Variants in NTSR2 observed in about 807,000 individuals in gnomAD.
NTSR2 encodes the protein neurotensin receptor 2, also known as neurotensin receptor type 2.
A neutral mutation model predicts 24.1 loss-of-function variants in NTSR2; 22 were observed. That is an observed-to-expected ratio of 0.91 (90% CI 0.65 to 1.30). NTSR2 has a LOEUF of 1.30. Ranked by LOEUF, NTSR2 falls within the 50% of genes most tolerant of loss-of-function variation. The pLI is 0.00. For synonymous variants in NTSR2, 291 were observed against 267.0 expected (o/e 1.09, Z -0.88); for missense variants, 570 against 570.4 (o/e 1.00, Z 0.01).
At chr2:11,669,459 C>CGGGGGGGGGGGCGGGG in intron 1 of NTSR2, 47 bp downstream of exon 1, 1 of 337,896 alleles carries the variant, frequency 3.0e-6, no homozygotes, top group East Asian at 4.3e-5. Flanking sequence ...CTCCCAGCAC[C>CGGGGGGGGGGGCGGGG]GCCCCCCCAC....
At chr2:11,660,020 T>C (rs1661034895) in intron 3 of NTSR2, 23 bp downstream of exon 3, 1 of 1,605,182 alleles carries the variant, frequency 6.2e-7, no homozygotes. Context: ...CCCTGTGTGC[T>C]AGGGTCCTTC....
intron 1 of NTSR2, among the ~76,000 whole-genome samples, chr2:11,663,306 C>CA: frequency 6.6e-6 from 1 of 152,212 alleles, no homozygotes; most frequent in African/African-American, 2.4e-5. Context: ...AGGGAGCTCC[C>CA]AGGGGGCCCC....
At chr2:11,662,859 C>T (rs975063828) in intron 1 of NTSR2, among the ~76,000 whole-genome samples, 3 of 152,162 alleles carry the variant, frequency 2.0e-5, no homozygotes, top group Admixed American at 2.0e-4. Flanking sequence ...CCCGGGTGCC[C>T]AGAAGAATCG....
intron 1 of NTSR2, 47 bp downstream of exon 1, chr2:11,669,459 C>CGG: frequency 1.8e-5 from 6 of 337,894 alleles, no homozygotes; most frequent in East Asian, 1.3e-4. Context: ...CTCCCAGCAC[C>CGG]GCCCCCCCAC....
chr2:11,667,442 G>A (rs552506304), intron 1 of NTSR2, among the ~76,000 whole-genome samples: 109 of 152,246 alleles, frequency 7.2e-4, no homozygotes, highest in East Asian at 1.2e-3. Flanking sequence ...AAACTCCTCG[G>A]TTCAAGGGAT....
At chr2:11,669,460 G>GGGGGGGGGCGGCCCCCCCCCCCCCCAAC in intron 1 of NTSR2, 46 bp downstream of exon 1, 1 of 254,726 alleles carries the variant, frequency 3.9e-6, no homozygotes, top group Non-Finnish European at 6.9e-6. Context: ...TCCCAGCACC[G>GGGGGGGGGCGGCCCCCCCCCCCCCCAAC]CCCCCCCACC....
At chr2:11,659,894 A>T in intron 3 of NTSR2, 149 bp downstream of exon 3, 1 of 593,338 alleles carries the variant, frequency 1.7e-6, no homozygotes, top group South Asian at 2.2e-5. Flanking sequence ...GGAGATTTCA[A>T]GGCACAGACT....
In NTSR2 at chr2:11,669,910, T is replaced by G. The variant is rs1661293646; in HGVS notation, c.220A>C (p.Ser74Arg). ...AGCAGCAGGCCCGCGAGCGCCAGGC[T>G]GAGCACGTGGTGGCGCAGGCGCCCC... ...RAGRLRHHVL[S>R]LALAGLLLLL... The change falls in exon 1 of 4, where the codon AGC (serine) becomes CGC (arginine). Residue 74 changes from serine (S) to arginine (R), a missense_variant. Ser to Arg is a moderately radical substitution (Grantham distance 110). Coordinates refer to ENST00000306928, the MANE Select transcript of NTSR2 (RefSeq NM_012344.4). 1.3e-6 allele frequency: 2 copies of G among 1,560,694 alleles called. No homozygotes were observed. Among genetic ancestry groups the G allele is most frequent in the Non-Finnish European group, 1.7e-6 (2 of 1,159,578 alleles).
chr2:11,669,460 G>GGGCCGGGGCCCCCCCCCCCCCCCCCCC, intron 1 of NTSR2, 46 bp downstream of exon 1: 1 of 254,726 alleles, frequency 3.9e-6, no homozygotes, highest in Non-Finnish European at 6.9e-6. Context: ...TCCCAGCACC[G>GGGCCGGGGCCCCCCCCCCCCCCCCCCC]CCCCCCCACC....
At chr2:11,665,067 T>G (rs866888178) in intron 1 of NTSR2, among the ~76,000 whole-genome samples, 7,640 of 146,462 alleles carry the variant, frequency 0.052, 288 homozygotes, top group East Asian at 0.21. Flanking sequence ...TTTTTTTTTT[T>G]TTTTTTTTTT....
rs750364405 is a variant in NTSR2 at position 11,658,407 on chromosome 2, G to A, written c.*72C>T. ...CGAAGCTTGAATGATTAGTGATGAG[G>A]TTGCTCACCTGCTTTGCCAGGTGAC... On this transcript the variant is annotated 3_prime_UTR_variant, in exon 4 of 4. Transcript: ENST00000306928. 42 of 1,521,390 alleles carry A rather than the reference G, an allele frequency of 2.8e-5. No individual in the cohort carries two copies. The highest frequency in any genetic ancestry group is 3.5e-5 in the Non-Finnish European group (40 of 1,134,778). 94.2% of individuals were successfully genotyped at this position (1,521,390 alleles called of 1,614,324 possible). A position where few individuals can be genotyped will look rare whatever the true frequency, so the allele number is the denominator to read the frequency against.
intron 1 of NTSR2, among the ~76,000 whole-genome samples, chr2:11,666,708 CA>C (rs1661209446): frequency 1.3e-5 from 2 of 152,000 alleles, no homozygotes; most frequent in South Asian, 4.2e-4. Context: ...AAAAACGAAA[CA>C]AAAAGTAAAT....
In NTSR2 at chr2:11,658,701, G is replaced by A. The variant is rs754841949; in HGVS notation, c.1011C>T (p.His337=). ...GTGTGTTGGTCACCATGTAGAAGTA[G>A]TGGTAGAAATTGTACAGTGGGCTGC... The part of the protein sequence containing the change: ...AWTDPLYNFY[H]YFYMVTNTLF... The change falls in exon 4 of 4, where the codon CAC becomes CAT. Residue 337 remains histidine, a synonymous_variant. Coordinates refer to ENST00000306928, the MANE Select transcript of NTSR2 (RefSeq NM_012344.4). The A allele has an allele frequency of 6.2e-7, 1 of 1,614,198 alleles. No individual in the cohort carries two copies. The highest frequency in any genetic ancestry group is 1.1e-5 in the South Asian group (1 of 91,078).
In NTSR2 at chr2:11,670,055, C is replaced by G. The variant is rs1661302416; in HGVS notation, c.75G>C (p.Val25=). 7 of 1,477,358 alleles carry G rather than the reference C, an allele frequency of 4.7e-6. No individual in the cohort carries two copies. Among genetic ancestry groups the G allele is most frequent in the African/African-American group, 1.5e-5 (1 of 67,706 alleles). The allele number at this position is 1,477,358 out of a possible 1,614,324, so 91.5% of individuals were successfully genotyped here. ...GCACCTTGGCCCAGAGGCGAGTGTC[C>G]ACGCCCAGCCGGGCGTCCAGGCTCA... ...PGLSLDARLG[V]DTRLWAKVLF... The change falls in exon 1 of 4, where the codon GTG becomes GTC. Residue 25 remains valine, a synonymous_variant. Coordinates refer to ENST00000306928, the MANE Select transcript of NTSR2 (RefSeq NM_012344.4).
At chr2:11,669,459 C>CCGGGGGGGGGGG in intron 1 of NTSR2, 47 bp downstream of exon 1, 268 of 337,734 alleles carry the variant, frequency 7.9e-4, no homozygotes, top group East Asian at 1.3e-3. Context: ...CTCCCAGCAC[C>CCGGGGGGGGGGG]GCCCCCCCAC....
chr2:11,658,452 C>G lies in NTSR2; in HGVS notation c.*27G>C. 1 of 1,557,968 alleles carries G rather than the reference C, an allele frequency of 6.4e-7. No homozygotes were observed. ...GGTGACTAAGCAGCTGGTCATTTTG[C>G]TTGTTCTGTTCATTCTTGCATTACA... On this transcript the variant is annotated 3_prime_UTR_variant, in exon 4 of 4. Coordinates refer to ENST00000306928, the MANE Select transcript of NTSR2 (RefSeq NM_012344.4).
In NTSR2 at chr2:11,667,015, T is replaced by G. The variant is rs1372764591; in HGVS notation, c.624+2491A>C. Among the ~76,000 whole-genome samples the G allele has an allele frequency of 2.6e-5, 4 of 152,224 alleles. No individual in the cohort carries two copies. In the East Asian group the frequency reaches 7.7e-4, roughly 29 times the overall value. On this transcript the variant is annotated intron_variant, in intron 1 of 3. Transcript: ENST00000306928. ...ATATTCTGGGCAATTCCACATGATC[T>G]CATTGAATTATCACAGAGGATGCCA...
chr2:11,662,128 G>C lies in NTSR2; in HGVS notation c.737C>G (p.Pro246Arg), dbSNP rs151252387. 36 of 1,611,192 alleles carry C rather than the reference G, an allele frequency of 2.2e-5. No individual in the cohort carries two copies. In the African/African-American group the frequency reaches 3.9e-4, roughly 17 times the overall value. Residue 246 changes from proline (P) to arginine (R), a missense_variant, in exon 2 of 4, where the codon CCG becomes CGG. Transcript: ENST00000306928. ...LCSQVPSTST[P>R]GSSTPSRLEL... ...CAGGCGGCTGGGGGTGGAGCTGCCC[G>C]GGGTAGAAGTGGACGGCACTTGGGA...
intron 1 of NTSR2, among the ~76,000 whole-genome samples, chr2:11,668,299 T>C (rs1661248013): frequency 6.6e-6 from 1 of 152,046 alleles, no homozygotes; most frequent in Admixed American, 6.5e-5. Flanking sequence ...CGAACAAAGG[T>C]GGGATCTTCA....
Sources: allele counts gnomAD v4.1 joint callset (sites outside exome capture counted in the v4.1 genomes callset), GRCh38; gene constraint gnomAD v4.1.1; transcripts MANE v1.5; gene names NCBI Gene and HGNC (gene_info 2026-07-23, HGNC 2026-07-21).